Variants in NOS1AP observed in about 807,000 individuals in gnomAD.
NOS1AP encodes carboxyl-terminal PDZ ligand of neuronal nitric oxide synthase protein.
A neutral mutation model predicts 56.2 loss-of-function variants in NOS1AP; 21 were observed. The ratio of observed to expected loss-of-function variants is 0.37; its 90% CI spans 0.26 to 0.54. The LOEUF (loss-of-function observed/expected upper bound fraction) is 0.54. Among genes scored for constraint, NOS1AP ranks in the 20% least tolerant of loss-of-function variants. The pLI is 0.84. For missense variants in NOS1AP, 522 were observed against 657.8 expected, an observed-to-expected ratio of 0.79 and a Z score of 2.26; for synonymous variants, 270 against 274.6, an observed-to-expected ratio of 0.98 and a Z score of 0.17.
chr1:162,172,085 C>G (rs886399399), intron 2 of NOS1AP, among the ~76,000 whole-genome samples: 1 of 152,280 alleles, frequency 6.6e-6, no homozygotes, highest in Admixed American at 6.5e-5. Flanking sequence ...AGGCCTTACT[C>G]AGCCTACCCA....
At chr1:162,108,253 T>A (rs1292813347) in intron 1 of NOS1AP, among the ~76,000 whole-genome samples, 3 of 152,200 alleles carry the variant, frequency 2.0e-5, no homozygotes, top group Non-Finnish European at 4.4e-5. Context: ...AGGGAAACTC[T>A]GGAGGACTCC....
intron 1 of NOS1AP, among the ~76,000 whole-genome samples, chr1:162,089,439 AT>A (rs1477031387): frequency 6.6e-6 from 1 of 152,218 alleles, no homozygotes; most frequent in African/African-American, 2.4e-5. Context: ...CTTTTAAAAA[AT>A]ATGTCATCTG....
chr1:162,087,071 G>T (rs935389914), intron 1 of NOS1AP, among the ~76,000 whole-genome samples: 4 of 152,088 alleles, frequency 2.6e-5, no homozygotes, highest in Non-Finnish European at 5.9e-5. Flanking sequence ...TTGAACTTTT[G>T]TATTTTCTGC....
chr1:162,169,778 G>C (rs1480641775), intron 2 of NOS1AP, among the ~76,000 whole-genome samples: 2 of 152,174 alleles, frequency 1.3e-5, no homozygotes, highest in East Asian at 3.9e-4. Flanking sequence ...AATCTCAGCG[G>C]GCGGTCAGGG....
chr1:162,153,078 C>A (rs1307576810), intron 1 of NOS1AP, among the ~76,000 whole-genome samples: 1 of 152,156 alleles, frequency 6.6e-6, no homozygotes, highest in East Asian at 1.9e-4. Flanking sequence ...GTTGGGTGGT[C>A]CTATTTTCTT....
At chr1:162,296,547 G>T (rs1263486561) in intron 3 of NOS1AP, among the ~76,000 whole-genome samples, 4 of 152,140 alleles carry the variant, frequency 2.6e-5, no homozygotes, top group Admixed American at 2.0e-4. Flanking sequence ...CTATATGGGT[G>T]CTGGGACCTC....
chr1:162,157,266 G>A (rs1650012842), intron 2 of NOS1AP: 1 of 152,844 alleles, frequency 6.5e-6, no homozygotes, highest in Admixed American at 6.5e-5. Flanking sequence ...TTAAATTAGA[G>A]GGAGCAATTA....
At chr1:162,296,253 C>CG (rs1655456578) in intron 3 of NOS1AP, among the ~76,000 whole-genome samples, 1 of 152,166 alleles carries the variant, frequency 6.6e-6, no homozygotes, top group Admixed American at 6.5e-5. Flanking sequence ...CGCCACTGCA[C>CG]TCCAGCCTGG....
chr1:162,135,907 A>C (rs2152761), intron 1 of NOS1AP, among the ~76,000 whole-genome samples: 69,959 of 152,142 alleles, frequency 0.46, 19,626 homozygotes, highest in Non-Finnish European at 0.62. Context: ...AATTTGTTAA[A>C]AATTTATTTT....
intron 6 of NOS1AP, among the ~76,000 whole-genome samples, chr1:162,345,925 A>G (rs1657279807): frequency 6.6e-6 from 1 of 152,258 alleles, no homozygotes; most frequent in Non-Finnish European, 1.5e-5. Context: ...AAACAAGAAT[A>G]GAAAAAATCC....
At chr1:162,328,242 G>A (rs916852593) in intron 4 of NOS1AP, among the ~76,000 whole-genome samples, 1 of 152,188 alleles carries the variant, frequency 6.6e-6, no homozygotes, top group Admixed American at 6.5e-5. Flanking sequence ...GCATCAGGAA[G>A]AATAGCTAAT....
intron 2 of NOS1AP, among the ~76,000 whole-genome samples, chr1:162,213,140 T>A (rs1652429599): frequency 6.6e-6 from 1 of 151,650 alleles, no homozygotes; most frequent in Non-Finnish European, 1.5e-5. Flanking sequence ...AGTTAGGGAG[T>A]CCCAGGTAAC....
intron 3 of NOS1AP, among the ~76,000 whole-genome samples, chr1:162,292,349 A>C (rs1655305473): frequency 6.6e-6 from 1 of 152,228 alleles, no homozygotes; most frequent in Non-Finnish European, 1.5e-5. Flanking sequence ...GAGCAAACTG[A>C]TGTAAGTAGT....
intron 2 of NOS1AP, among the ~76,000 whole-genome samples, chr1:162,197,168 A>G (rs1417443485): frequency 1.3e-5 from 2 of 152,216 alleles, no homozygotes; most frequent in African/African-American, 4.8e-5. Context: ...TGGGTGTTGC[A>G]TAGTAAATAA....
chr1:162,178,605 C>G (rs988980927), intron 2 of NOS1AP, among the ~76,000 whole-genome samples: 1 of 152,160 alleles, frequency 6.6e-6, no homozygotes, highest in Non-Finnish European at 1.5e-5. Flanking sequence ...ACACTCATCC[C>G]TCCTGATGCC....
At chr1:162,112,014 C>CA (rs577564429) in intron 1 of NOS1AP, among the ~76,000 whole-genome samples, 698 of 152,312 alleles carry the variant, frequency 4.6e-3, no homozygotes, top group Non-Finnish European at 6.6e-3. Flanking sequence ...CCGCTCAGGC[C>CA]AGTGCTCCTT....
At chr1:162,266,234 C>T (rs1654416249) in intron 2 of NOS1AP, among the ~76,000 whole-genome samples, 2 of 152,206 alleles carry the variant, frequency 1.3e-5, no homozygotes. Flanking sequence ...AGATTACAAG[C>T]AGTCTACATA....
chr1:162,180,337 C>T (rs985852075), intron 2 of NOS1AP, among the ~76,000 whole-genome samples: 13 of 152,218 alleles, frequency 8.5e-5, no homozygotes, highest in South Asian at 4.2e-4. Context: ...CTCCGCCTCC[C>T]GGGTTCACGC....
intron 7 of NOS1AP, among the ~76,000 whole-genome samples, chr1:162,356,137 G>A (rs1657697768): frequency 6.6e-6 from 1 of 152,150 alleles, no homozygotes; most frequent in East Asian, 1.9e-4. Context: ...CGTTTCCTTT[G>A]GAACCAGTTT....
Sources: gnomAD v4.1 joint callset for allele counts (sites outside exome capture counted in the v4.1 genomes callset) on GRCh38, gnomAD v4.1.1 for gene constraint, MANE v1.5 for transcripts, NCBI Gene and HGNC (gene_info 2026-07-23, HGNC 2026-07-21) for gene names.